Variants in AHNAK observed in about 807,000 individuals in gnomAD.
The protein encoded by AHNAK is neuroblast differentiation-associated protein AHNAK.
In AHNAK, 23 loss-of-function variants were observed where a neutral mutation model predicts 37.8. The observed-to-expected ratio is 0.61, with a 90% CI of 0.44 to 0.86. The LOEUF (loss-of-function observed/expected upper bound fraction) is 0.86. AHNAK is among the 40% of genes least tolerant of loss of function. The pLI is 0.00. For missense variants in AHNAK, 7,411 were observed against 7,319.4 expected (o/e 1.01, Z -0.46); for synonymous variants, 2,481 against 2,636.3 (o/e 0.94, Z 1.80).
intron 5 of AHNAK, among the ~76,000 whole-genome samples, chr11:62,459,914 C>A (rs193070219): frequency 6.6e-6 from 1 of 151,948 alleles, no homozygotes; most frequent in Admixed American, 6.6e-5. Flanking sequence ...CGGAGGCGGG[C>A]GGATCACCTG....
chr11:62,495,117 T>TG lies in AHNAK; in HGVS notation c.343-3287dup, dbSNP rs540149961. On this transcript the variant is annotated intron_variant, in intron 4 of 5. Transcript: ENST00000257247. ...GGGAAGTCAAGGCTACAGTGAGCTG[T>TG]GATCACACCACTGCACTCTAGCCTA... Among the ~76,000 whole-genome samples, 274 of 151,898 alleles carry TG rather than the reference T, an allele frequency of 1.8e-3. 2 individuals carry two copies. The highest frequency in any genetic ancestry group is 2.9e-3 in the Non-Finnish European group (197 of 67,960).
intron 5 of AHNAK, among the ~76,000 whole-genome samples, chr11:62,468,362 A>G (rs935269048): frequency 5.3e-3 from 86 of 16,380 alleles, no homozygotes; most frequent in Non-Finnish European, 0.011. Flanking sequence ...AAAAAAGAAA[A>G]AAAAAAAAAA....
chr11:62,533,660 C>T lies in AHNAK; in HGVS notation c.757G>A (p.Val253Met). 1 of 1,614,126 alleles carries T rather than the reference C, an allele frequency of 6.2e-7. No individual in the cohort carries two copies. Among genetic ancestry groups the T allele is most frequent in the Non-Finnish European group, 8.5e-7 (1 of 1,180,020 alleles). Residue 253 changes from valine to methionine, a missense_variant, in exon 5 of 5, where the codon GTG becomes ATG. By Grantham distance (21) the Val-to-Met change is conservative (BLOSUM62 1). Coordinates refer to ENST00000378024, the MANE Select transcript of AHNAK (RefSeq NM_001620.3). ...KLQVTMPGIK[V>M]GGSGVNVNAK... ...TTGACATTGACACCTGAGCCTCCCACCTTTATCCCAGGCATGGTGACCTGG... is the reference window on the plus strand; with the variant it reads ...TTGACATTGACACCTGAGCCTCCCATCTTTATCCCAGGCATGGTGACCTGG...
At chr11:62,493,548 G>A (rs968021042) in intron 4 of AHNAK, among the ~76,000 whole-genome samples, 1 of 151,954 alleles carries the variant, frequency 6.6e-6, no homozygotes, top group South Asian at 2.1e-4. Context: ...TGGCCAAGCT[G>A]GTCTCAAACT....
Position 62,518,823 on chromosome 11 carries a change from A to G in AHNAK, c.15594T>C (p.Asp5198=). ...GISAPQVSIP[D]VNVNLKGPKI... ...TTGGTCCTTTCAAGTTTACATTCACATCAGGGATGGAGACTTGAGGGGCAG... is the reference window on the plus strand; with the variant it reads ...TTGGTCCTTTCAAGTTTACATTCACGTCAGGGATGGAGACTTGAGGGGCAG... Residue 5198 remains aspartate, a synonymous_variant, in exon 5 of 5, where the codon GAT becomes GAC. Coordinates refer to ENST00000378024, the MANE Select transcript of AHNAK (RefSeq NM_001620.3). The G allele has an allele frequency of 6.2e-7, 1 of 1,614,232 alleles. No individual in the cohort carries two copies. The highest frequency in any genetic ancestry group is 8.5e-7 in the Non-Finnish European group (1 of 1,180,036).
At chr11:62,461,893 T>G (rs1030641296) in intron 5 of AHNAK, among the ~76,000 whole-genome samples, 43 of 150,984 alleles carry the variant, frequency 2.8e-4, no homozygotes, top group African/African-American at 1.0e-3. Flanking sequence ...TTCCAGGAAC[T>G]GATGTCTTTG....
chr11:62,495,705 C>T (rs1192885220), intron 4 of AHNAK, among the ~76,000 whole-genome samples: 1 of 150,572 alleles, frequency 6.6e-6, no homozygotes, highest in African/African-American at 2.4e-5. Context: ...CGCCACTGCA[C>T]TCCAGCATGG....
intron 4 of AHNAK, among the ~76,000 whole-genome samples, chr11:62,499,104 G>A (rs1939667342): frequency 6.6e-6 from 1 of 152,184 alleles, no homozygotes. Context: ...ATGGGCATGG[G>A]GAGATAAAAT....
chr11:62,531,018 C>A lies in AHNAK; in HGVS notation c.3399G>T (p.Lys1133Asn). 1 of 1,611,376 alleles carries A rather than the reference C, an allele frequency of 6.2e-7. No individual in the cohort carries two copies. Among genetic ancestry groups the A allele is most frequent in the Non-Finnish European group, 8.5e-7 (1 of 1,179,136 alleles). The change falls in exon 5 of 5, where the codon AAG (lysine) becomes AAT (asparagine). Residue 1133 changes from lysine to asparagine, a missense_variant. Lys to Asn is a moderately conservative substitution (Grantham distance 94, BLOSUM62 0). Transcript: ENST00000378024. ...CGCCTTTGAGGCTGGGCATGCTGAA[C>A]TTGGGCATTTTCATCTTGGGTATTT... is the stretch of plus-strand genomic sequence containing the variant. The part of the protein sequence containing the change: ...SLKIPKMKMP[K>N]FSMPSLKGEG...
chr11:62,490,999 G>T (rs1297195914), intron 5 of AHNAK, among the ~76,000 whole-genome samples: 12 of 152,108 alleles, frequency 7.9e-5, no homozygotes, highest in Non-Finnish European at 1.8e-4. Context: ...TGTTGGCTAG[G>T]CTGGTCTTGA....
rs112466631 is a variant in AHNAK, at chr11:62,540,727, T to G, written c.-99-4160A>C. Among the ~76,000 whole-genome samples the G allele has an allele frequency of 6.5e-3, 984 of 152,254 alleles. 4 individuals are homozygous for G. Among genetic ancestry groups the G allele is most frequent in the Non-Finnish European group, 0.011 (729 of 67,996 alleles). On this transcript the variant is annotated intron_variant, in intron 1 of 4. Transcript: ENST00000378024. Reference sequence around the variant, plus strand: ...GAGACCCCCTAAGGCAGAAGACTGCTTGGAGGGCAGAAAAGAATGAGATGG... The same window carrying G: ...GAGACCCCCTAAGGCAGAAGACTGCGTGGAGGGCAGAAAAGAATGAGATGG...
chr11:62,476,684 C>T (rs1206854085), intron 5 of AHNAK, among the ~76,000 whole-genome samples: 1 of 152,108 alleles, frequency 6.6e-6, no homozygotes, highest in Admixed American at 6.6e-5. Flanking sequence ...TTCTACGCAA[C>T]AACAATGAAC....
intron 5 of AHNAK, among the ~76,000 whole-genome samples, chr11:62,467,422 C>T (rs1249022636): frequency 1.3e-5 from 2 of 152,076 alleles, no homozygotes; most frequent in African/African-American, 2.4e-5. Flanking sequence ...CAGTGGCTCA[C>T]GCCTGTAATC....
At chr11:62,442,448 T>C (rs1938326607) in intron 5 of AHNAK, among the ~76,000 whole-genome samples, 1 of 152,104 alleles carries the variant, frequency 6.6e-6, no homozygotes, top group Non-Finnish European at 1.5e-5. Flanking sequence ...CTTAGGAGAC[T>C]GAGACAGGAG....
At chr11:62,465,891 C>T (rs1938902761) in intron 5 of AHNAK, among the ~76,000 whole-genome samples, 1 of 152,178 alleles carries the variant, frequency 6.6e-6, no homozygotes, top group South Asian at 2.1e-4. Context: ...ACCCTGCTAG[C>T]ACTGTAATTT....
chr11:62,464,415 C>A (rs573573987), intron 5 of AHNAK, among the ~76,000 whole-genome samples: 6 of 151,952 alleles, frequency 3.9e-5, no homozygotes, highest in South Asian at 2.1e-4. Flanking sequence ...CGCCTGTAAT[C>A]CCAGCACTTT....
Position 62,527,301 on chromosome 11 carries a change from A to G in AHNAK, c.7116T>C (p.Pro2372=), listed in dbSNP as rs201937599. Residue 2372 remains proline (P), a synonymous_variant, in exon 5 of 5, where the codon CCT becomes CCC. Transcript: ENST00000378024. ...VEGPNGKWKT[P]KFKMPDMHFK... is the part of the protein sequence containing the mutation. Reference sequence around the variant, plus strand: ...AGTGCATATCTGGCATCTTGAACTTAGGAGTTTTCCACTTGCCATTTGGGC... The same window carrying G: ...AGTGCATATCTGGCATCTTGAACTTGGGAGTTTTCCACTTGCCATTTGGGC... 4.1e-5 allele frequency: 66 copies of G among 1,613,820 alleles called. 1 individual carries two copies. The Admixed American group carries it at 8.0e-4, about 20-fold the overall frequency.
Position 62,521,020 on chromosome 11 carries a change from A to C in AHNAK, c.13397T>G (p.Leu4466Trp), listed in dbSNP as rs763324663. Residue 4466 changes from leucine (L) to tryptophan (W), a missense_variant, in exon 5 of 5, where the codon TTG becomes TGG. Leu to Trp is a moderately conservative substitution (Grantham distance 61). Transcript: ENST00000378024. ...APKISMPDFDLHLKGPKVKGD... is the reference protein window; with the variant it reads ...APKISMPDFDWHLKGPKVKGD... ...CTTCACCTTGGGACCTTTCAGGTGC[A>C]AATCAAAGTCAGGCATAGAGATTTT... 6.2e-7 allele frequency: 1 copy of C among 1,614,144 alleles called. No homozygotes were observed. Among genetic ancestry groups the C allele is most frequent in the South Asian group, 1.1e-5 (1 of 91,072 alleles).
At chr11:62,466,864 C>T (rs896995279) in intron 5 of AHNAK, among the ~76,000 whole-genome samples, 4 of 152,106 alleles carry the variant, frequency 2.6e-5, no homozygotes, top group African/African-American at 9.7e-5. Flanking sequence ...AAATTAACAA[C>T]ATAACTAAGA....
Sources: gnomAD v4.1 joint callset for allele counts (sites outside exome capture counted in the v4.1 genomes callset) on GRCh38, gnomAD v4.1.1 for gene constraint, MANE v1.5 for transcripts, NCBI Gene and HGNC (gene_info 2026-07-23, HGNC 2026-07-21) for gene names.